ATP2B1: variants seen among roughly 807,000 people sequenced by gnomAD.
ATP2B1 encodes plasma membrane calcium-transporting ATPase 1.
Under a neutral mutation model 124.2 loss-of-function variants are expected in ATP2B1, and 14 were observed. The observed-to-expected ratio is 0.11, with a 90% CI of 0.07 to 0.18. The LOEUF (loss-of-function observed/expected upper bound fraction) is 0.18. ATP2B1 is among the 10% of genes least tolerant of loss of function. The pLI is 1.00. For missense variants in ATP2B1, 763 were observed against 1,466.1 expected, an observed-to-expected ratio of 0.52 and a Z score of 7.83; for synonymous variants, 449 against 492.4, an observed-to-expected ratio of 0.91 and a Z score of 1.17.
chr12:89,666,021 C>T (rs1354313729), intron 1 of ATP2B1, among the ~76,000 whole-genome samples: 1 of 152,202 alleles, frequency 6.6e-6, no homozygotes, highest in African/African-American at 2.4e-5. Flanking sequence ...GGGAAGAAGG[C>T]ACTTTCCCAT....
At chr12:89,605,394 G>C (rs1268692443) in intron 15 of ATP2B1, among the ~76,000 whole-genome samples, 1 of 152,066 alleles carries the variant, frequency 6.6e-6, no homozygotes, top group African/African-American at 2.4e-5. Flanking sequence ...ATTATTTTGG[G>C]AGTGGTTTCA....
intron 20 of ATP2B1, 130 bp from the exon 21 acceptor site, chr12:89,591,425 T>C (rs1873542888): frequency 4.1e-6 from 3 of 735,840 alleles, no homozygotes; most frequent in South Asian, 3.9e-5. Context: ...GCAGTGGAAC[T>C]TGCAATACAC....
Position 89,655,903 on chromosome 12 carries a change from C to T in ATP2B1, c.-17G>A, listed in dbSNP as rs934563738. On this transcript the variant is annotated 5_prime_UTR_variant, in exon 2 of 21. Coordinates refer to ENST00000428670, the MANE Select transcript of ATP2B1 (RefSeq NM_001366521.1). The stretch of plus-strand genomic sequence containing the variant: ...GTCGCCCATTACAAGTATAATATAT[C>T]AGAAGGAAAATGTTTCCCAAAAGAA... 1.3e-6 allele frequency: 2 copies of T among 1,538,218 alleles called. No homozygotes were observed. The highest frequency in any genetic ancestry group is 1.8e-6 in the Non-Finnish European group (2 of 1,141,784).
chr12:89,613,248 T>A (rs1311463361), intron 12 of ATP2B1, among the ~76,000 whole-genome samples: 1 of 152,194 alleles, frequency 6.6e-6, no homozygotes, highest in African/African-American at 2.4e-5. Flanking sequence ...CCCAAAGTAA[T>A]GGGATTATAG....
At chr12:89,682,147 T>A (rs1889434639) in intron 1 of ATP2B1, among the ~76,000 whole-genome samples, 1 of 151,952 alleles carries the variant, frequency 6.6e-6, no homozygotes, top group South Asian at 2.1e-4. Context: ...CCAAAAAAGA[T>A]TAAAGACACT....
At position 89,624,390 on chromosome 12, in the gene ATP2B1, C is replaced by G. The variant is rs1880488677; in HGVS notation, c.1137G>C (p.Leu379Phe). 1 of 1,611,340 alleles carries G rather than the reference C, an allele frequency of 6.2e-7. No individual in the cohort carries two copies. Among genetic ancestry groups the G allele is most frequent in the African/African-American group, 1.3e-5 (1 of 74,778 alleles). The stretch of plus-strand genomic sequence containing the variant: ...GAATGATAACTGTGATGGCAGACAT[C>G]AACAGACCTTTCAGAATAGAAATGA... ...LAVQIGKAGLLMSAITVIILV... is the reference protein window; with the variant it reads ...LAVQIGKAGLFMSAITVIILV... The change falls in exon 9 of 21, where the codon TTG becomes TTC. Residue 379 changes from leucine to phenylalanine, a missense_variant. Transcript: ENST00000428670.
intron 1 of ATP2B1, among the ~76,000 whole-genome samples, chr12:89,680,321 G>GA (rs1275038421): frequency 6.6e-6 from 1 of 151,838 alleles, no homozygotes; most frequent in Admixed American, 6.6e-5. Context: ...ATTAACAACA[G>GA]AAACAAAAAT....
chr12:89,690,016 T>C (rs1329852315), intron 1 of ATP2B1, among the ~76,000 whole-genome samples: 1 of 152,090 alleles, frequency 6.6e-6, no homozygotes, highest in Non-Finnish European at 1.5e-5. Context: ...GCATAAAATG[T>C]GCAGAAACCC....
Position 89,620,453 on chromosome 12 carries a change from G to A in ATP2B1, c.1588-213C>T, listed in dbSNP as rs571093969. 9.3e-4 allele frequency among the ~76,000 whole-genome samples: 141 copies of A among 152,258 alleles called. 1 individual carries two copies. The highest frequency in any genetic ancestry group is 1.8e-3 in the Non-Finnish European group (124 of 68,000). ...CTCAGTCCTGCCAGTTACTAGCTAC[G>A]TGAAATTTGACAATTACCCAACTGC... On this transcript the variant is annotated intron_variant, in intron 10 of 20. Transcript: ENST00000428670.
intron 1 of ATP2B1, among the ~76,000 whole-genome samples, chr12:89,690,079 T>G (rs1167885492): frequency 6.6e-6 from 1 of 152,066 alleles, no homozygotes; most frequent in Admixed American, 6.6e-5. Flanking sequence ...TTTTACTGAA[T>G]AGCTAAGATA....
At chr12:89,642,506 A>G (rs1883704329) in intron 2 of ATP2B1, 151 bp from the exon 3 acceptor site, 1 of 780,924 alleles carries the variant, frequency 1.3e-6, no homozygotes, top group African/African-American at 1.8e-5. Context: ...ATCACTGAAA[A>G]ACATGTGCAG....
rs762930153 is a variant in ATP2B1, at chr12:89,677,965, T to TACAC, written c.-221-21859_-221-21858insGTGT. Among the ~76,000 whole-genome samples the TACAC allele has an allele frequency of 5.5e-3, 618 of 111,960 alleles. 4 individuals are homozygous for TACAC. The highest frequency in any genetic ancestry group is 0.016 in the East Asian group (60 of 3,754). The allele number at this position is 111,960 out of a possible 152,430, so 73.5% of individuals were successfully genotyped here. On this transcript the variant is annotated intron_variant, in intron 1 of 20. Transcript: ENST00000428670. ...GGGGCATGCAGGAATTATATATATA[T>TACAC]ATATATACACACACACACACACACA...
At chr12:89,598,832 A>AC (rs1875213139) in intron 20 of ATP2B1, 2 of 1,498,572 alleles carry the variant, frequency 1.3e-6, no homozygotes, top group Non-Finnish European at 1.8e-6. Flanking sequence ...ACATATAAAA[A>AC]GAAAAAGGCA....
intron 5 of ATP2B1, among the ~76,000 whole-genome samples, chr12:89,631,881 C>G (rs1285880542): frequency 1.3e-5 from 2 of 150,940 alleles, no homozygotes; most frequent in African/African-American, 2.4e-5. Context: ...TGTCTCCCGT[C>G]TTAGCCCCCA....
chr12:89,644,623 G>A (rs1325612817), intron 2 of ATP2B1, among the ~76,000 whole-genome samples: 1 of 152,046 alleles, frequency 6.6e-6, no homozygotes, highest in Non-Finnish European at 1.5e-5. Flanking sequence ...AAGCAAGGCA[G>A]CAATGGACTG....
chr12:89,655,993 C>A lies in ATP2B1; in HGVS notation c.-107G>T. 8.7e-7 allele frequency: 1 copy of A among 1,153,604 alleles called. No individual in the cohort carries two copies. The highest frequency in any genetic ancestry group is 1.2e-6 in the Non-Finnish European group (1 of 831,730). The allele number at this position is 1,153,604 out of a possible 1,614,324, so 71.5% of individuals were successfully genotyped here. On this transcript the variant is annotated 5_prime_UTR_variant, in exon 2 of 21. Transcript: ENST00000428670. Reference sequence around the variant, plus strand: ...TTAAGTATGAAAATCTTTCTTAAACCAAACACTCATTGTATGACTTTGTAA... The same window carrying A: ...TTAAGTATGAAAATCTTTCTTAAACAAAACACTCATTGTATGACTTTGTAA...
intron 20 of ATP2B1, among the ~76,000 whole-genome samples, chr12:89,597,816 TTA>T (rs1874931336): frequency 6.6e-6 from 1 of 152,092 alleles, no homozygotes; most frequent in Non-Finnish European, 1.5e-5. Context: ...AAATGTTATT[TTA>T]GTCAATTATT....
intron 15 of ATP2B1, among the ~76,000 whole-genome samples, chr12:89,606,675 G>A (rs942556404): frequency 2.7e-5 from 4 of 148,748 alleles, no homozygotes; most frequent in South Asian, 2.1e-4. Context: ...CCGGGTTCAC[G>A]CCATTCTCCT....
At position 89,655,933 on chromosome 12, in the gene ATP2B1, A is replaced by G. The variant is rs780915283; in HGVS notation, c.-47T>C. 1 of 1,495,810 alleles carries G rather than the reference A, an allele frequency of 6.7e-7. No homozygotes were observed. The highest frequency in any genetic ancestry group is 9.0e-7 in the Non-Finnish European group (1 of 1,114,186). 92.7% of individuals were successfully genotyped at this position (1,495,810 alleles called of 1,614,324 possible). On this transcript the variant is annotated 5_prime_UTR_variant, in exon 2 of 21. Transcript: ENST00000428670. ...GGAAAATGTTTCCCAAAAGAATTTAATTTTCACTTGATGTATTTCCAAGAT... is the reference window on the plus strand; with the variant it reads ...GGAAAATGTTTCCCAAAAGAATTTAGTTTTCACTTGATGTATTTCCAAGAT...
Sources: allele counts gnomAD v4.1 joint callset (sites outside exome capture counted in the v4.1 genomes callset), GRCh38; gene constraint gnomAD v4.1.1; transcripts MANE v1.5; gene names NCBI Gene and HGNC (gene_info 2026-07-23, HGNC 2026-07-21).